MASTL: variants seen among roughly 807,000 people sequenced by gnomAD.
MASTL encodes the protein microtubule associated serine/threonine kinase like.
In MASTL, 54 loss-of-function variants were observed where a neutral mutation model predicts 82.5. The ratio of observed to expected loss-of-function variants is 0.65; its 90% confidence interval spans 0.53 to 0.82. MASTL has a LOEUF of 0.82. MASTL is among the 40% of genes least tolerant of loss of function. The pLI, the probability that MASTL is intolerant of heterozygous loss-of-function variation, is 0.00. For synonymous variants in MASTL, 323 were observed against 368.9 expected (o/e 0.88, Z 1.43); for missense variants, 950 against 1,047.8 (o/e 0.91, Z 1.29).
intron 9 of MASTL, among the ~76,000 whole-genome samples, chr10:27,174,610 C>A (rs1006438129): frequency 2.0e-5 from 3 of 152,106 alleles, no homozygotes; most frequent in African/African-American, 7.2e-5. Flanking sequence ...TTCTTTGCCT[C>A]TTCCTGGCTT....
chr10:27,160,535 G>T (rs1436683666), intron 3 of MASTL, among the ~76,000 whole-genome samples: 1 of 151,968 alleles, frequency 6.6e-6, no homozygotes, highest in African/African-American at 2.4e-5. Flanking sequence ...CGGATCACCT[G>T]AGGTCGGGAG....
intron 1 of MASTL, among the ~76,000 whole-genome samples, chr10:27,156,963 G>T (rs755566195): frequency 3.6e-4 from 54 of 150,896 alleles, no homozygotes; most frequent in Admixed American, 8.6e-4. Flanking sequence ...CACCACACCG[G>T]GCTAATTTTT....
At chr10:27,181,398 CA>C (rs59126044) in intron 10 of MASTL, 81 bp from the exon 11 acceptor site, 132 of 1,099,120 alleles carry the variant, frequency 1.2e-4, no homozygotes, top group Middle Eastern at 2.6e-4. Flanking sequence ...TCTCAAAAAA[CA>C]AAAAAAAGTA....
chr10:27,178,671 G>A (rs2058179308), intron 9 of MASTL, among the ~76,000 whole-genome samples: 1 of 148,478 alleles, frequency 6.7e-6, no homozygotes, highest in Non-Finnish European at 1.5e-5. Context: ...GAGAAATCAT[G>A]TATTTTTTTT....
chr10:27,174,955 TTTGAGCTCTTTTCATGATCATCTGTTTCA>T (rs1309481440), intron 9 of MASTL, among the ~76,000 whole-genome samples: 1 of 151,958 alleles, frequency 6.6e-6, no homozygotes, highest in African/African-American at 2.4e-5. Flanking sequence ...TTCCCTTTTC[TTTGAGCTCTTTTCATGATCATCTGTTTCA>T]TCCTCCCCAC....
At chr10:27,163,977 A>G (rs1419270919) in intron 4 of MASTL, among the ~76,000 whole-genome samples, 1 of 152,028 alleles carries the variant, frequency 6.6e-6, no homozygotes, top group African/African-American at 2.4e-5. Flanking sequence ...TCTGTCACCC[A>G]GGCTGGAGTA....
At position 27,186,388 on chromosome 10, in the gene MASTL, G is replaced by A. The variant is rs201359552; in HGVS notation, c.2492G>A (p.Arg831His). ...TTATATTTTTCCTAAGAGCTAAAAC[G>A]TCATCCTCTCTTCAGTGATGTGGAC... ...TKRAGMKELKRHPLFSDVDWE... is the reference protein window; with the variant it reads ...TKRAGMKELKHHPLFSDVDWE... Residue 831 changes from arginine (R) to histidine (H), a missense_variant, in exon 12 of 12, where the codon CGT (arginine) becomes CAT (histidine). Transcript: ENST00000375940. 8.8e-5 allele frequency: 142 copies of A among 1,613,968 alleles called. 1 individual carries two copies. The highest frequency in any genetic ancestry group is 6.6e-4 in the Middle Eastern group (4 of 6,062).
chr10:27,175,408 C>T (rs1275028165), intron 9 of MASTL, among the ~76,000 whole-genome samples: 2 of 152,008 alleles, frequency 1.3e-5, no homozygotes, highest in Non-Finnish European at 2.9e-5. Context: ...TCTCGAACTC[C>T]CGACCTCAGG....
In MASTL at chr10:27,170,295, A is replaced by C. The variant is rs2057884015; in HGVS notation, c.1336A>C (p.Asn446His). 1 of 1,614,008 alleles carries C rather than the reference A, an allele frequency of 6.2e-7. No homozygotes were observed. The highest frequency in any genetic ancestry group is 8.5e-7 in the Non-Finnish European group (1 of 1,179,908). The change falls in exon 8 of 12, where the codon AAT becomes CAT. Residue 446 changes from asparagine to histidine, a missense_variant. Physicochemically the swap from Asn to His is moderately conservative, Grantham distance 68. Transcript: ENST00000375940. Reference sequence around the variant, plus strand: ...CCTTGGGAAAAGAAGTTTAAAAAGAAATTTTGAGTTGGTTGACTCCAGTCC... The same window carrying C: ...CCTTGGGAAAAGAAGTTTAAAAAGACATTTTGAGTTGGTTGACTCCAGTCC... ...EHLGKRSLKR[N>H]FELVDSSPCK...
intron 9 of MASTL, among the ~76,000 whole-genome samples, chr10:27,179,847 A>T (rs2058216447): frequency 6.6e-6 from 1 of 152,212 alleles, no homozygotes; most frequent in East Asian, 1.9e-4. Flanking sequence ...ATACAGAATA[A>T]TCATGTAAAT....
At chr10:27,171,289 A>G (rs1341613351) in intron 8 of MASTL, among the ~76,000 whole-genome samples, 6 of 152,016 alleles carry the variant, frequency 3.9e-5, no homozygotes, top group African/African-American at 1.4e-4. Flanking sequence ...GCCTCCTTCC[A>G]TTTGTGTCGT....
At position 27,159,114 on chromosome 10, in the gene MASTL, C is replaced by T. The variant is rs2057488145; in HGVS notation, c.324+428C>T. 6.6e-6 allele frequency among the ~76,000 whole-genome samples: 1 copy of T among 152,130 alleles called. No individual in the cohort carries two copies. Among genetic ancestry groups the T allele is most frequent in the Non-Finnish European group, 1.5e-5 (1 of 68,026 alleles). On this transcript the variant is annotated intron_variant, in intron 2 of 11. Transcript: ENST00000375940. This position sits in a 1 kb window ranked among gnomAD's most constrained non-coding sequence, Gnocchi z 4.0. ...AGAGATACCATTGCACATAATTGCACCCCAGCCTGAGATAGAGTCTCCCTC... is the reference window on the plus strand; with the variant it reads ...AGAGATACCATTGCACATAATTGCATCCCAGCCTGAGATAGAGTCTCCCTC...
rs1400738783 is a variant in MASTL at position 27,155,513 on chromosome 10, G to A, written c.87G>A (p.Pro29=). The stretch of plus-strand genomic sequence containing the variant: ...TGAATAGGATCGCAGTGCCAAAACC[G>A]CCCTCCATTGAGGAATTCAGCATAG... ...EGVNRIAVPK[P]PSIEEFSIVK... Residue 29 remains proline (P), a synonymous_variant, in exon 1 of 12, where the codon CCG becomes CCA. Transcript: ENST00000375940. 1.9e-6 allele frequency: 3 copies of A among 1,614,082 alleles called. No individual in the cohort carries two copies. Among genetic ancestry groups the A allele is most frequent in the African/African-American group, 1.3e-5 (1 of 74,946 alleles).
At chr10:27,160,986 G>C in intron 3 of MASTL, 108 bp from the exon 4 acceptor site, 1 of 756,668 alleles carries the variant, frequency 1.3e-6, no homozygotes, top group Non-Finnish European at 2.4e-6. Context: ...CTTTATTTTG[G>C]AGGAAATAAA....
chr10:27,158,600 G>T lies in MASTL; in HGVS notation c.238G>T (p.Ala80Ser). The T allele has an allele frequency of 6.2e-7, 1 of 1,612,706 alleles. No individual in the cohort carries two copies. Among genetic ancestry groups the T allele is most frequent in the Non-Finnish European group, 8.5e-7 (1 of 1,178,674 alleles). The change falls in exon 2 of 12, where the codon GCT (alanine) becomes TCT (serine). Residue 80 changes from alanine (A) to serine (S), a missense_variant. Coordinates refer to ENST00000375940, the MANE Select transcript of MASTL (RefSeq NM_001172303.3). The part of the protein sequence containing the change: ...INKNMTHQVQ[A>S]ERDALALSKS... ...CAAAAATATGACTCATCAGGTCCAA[G>T]CTGAGAGAGATGCACTGGCACTAAG...
At chr10:27,162,668 C>CG (rs1481072297) in intron 4 of MASTL, among the ~76,000 whole-genome samples, 1 of 148,744 alleles carries the variant, frequency 6.7e-6, no homozygotes, top group Non-Finnish European at 1.5e-5. Context: ...TACTCCATCT[C>CG]GAAAAAAAAA....
chr10:27,154,671 G>T, upstream of MASTL: 1 of 211,030 alleles, frequency 4.7e-6, no homozygotes, highest in Non-Finnish European at 9.3e-6. Flanking sequence ...CCGGGTTCAA[G>T]CGATTCTCCT....
chr10:27,187,403 G>A lies in MASTL; in HGVS notation c.*867G>A, dbSNP rs909106338. ...CTTTCACTTACTTTACTAATGATAC[G>A]GTTTTGCCACCTTAATTTCTATTGG... On this transcript the variant is annotated 3_prime_UTR_variant, in exon 12 of 12. Transcript: ENST00000375940. Among the ~76,000 whole-genome samples, 2 of 152,150 alleles carry A rather than the reference G, an allele frequency of 1.3e-5. No individual in the cohort carries two copies. The highest frequency in any genetic ancestry group is 1.3e-4 in the Admixed American group (2 of 15,276).
Position 27,181,037 on chromosome 10 carries a change from A to G in MASTL, c.2351A>G (p.Gln784Arg). Reference protein sequence around the residue: ...GIPPFNDETPQQVFQNILKRD... With the variant: ...GIPPFNDETPRQVFQNILKRD... ...CCCCCTTTCAATGATGAAACACCACAACAAGTATTCCAGAATATTCTGAAA... is the reference window on the plus strand; with the variant it reads ...CCCCCTTTCAATGATGAAACACCACGACAAGTATTCCAGAATATTCTGAAA... Residue 784 changes from glutamine (Q) to arginine (R), a missense_variant, in exon 10 of 12, where the codon CAA (glutamine) becomes CGA (arginine). Gln to Arg is a conservative substitution (Grantham distance 43). Coordinates refer to ENST00000375940, the MANE Select transcript of MASTL (RefSeq NM_001172303.3). The G allele has an allele frequency of 6.2e-7, 1 of 1,608,236 alleles. No homozygotes were observed. Among genetic ancestry groups the G allele is most frequent in the Non-Finnish European group, 8.5e-7 (1 of 1,174,674 alleles).
Sources: allele counts gnomAD v4.1 joint callset (sites outside exome capture counted in the v4.1 genomes callset), GRCh38; gene constraint gnomAD v4.1.1; non-coding constraint Gnocchi (gnomAD v3.1); transcripts MANE v1.5; gene names NCBI Gene and HGNC (gene_info 2026-07-23, HGNC 2026-07-21).